CDYL: variants seen among roughly 807,000 people sequenced by gnomAD.
CDYL encodes the protein chromodomain Y-like protein.
In CDYL, 8 loss-of-function variants were observed where a neutral mutation model predicts 47.3. That is an observed-to-expected ratio of 0.17 (90% CI 0.10 to 0.31). The LOEUF is 0.31. Ranked by LOEUF, CDYL falls within the 10% of genes least tolerant of loss-of-function variation. The probability of loss-of-function intolerance (pLI) is 1.00; values close to 1 mark genes in which losing one functional copy is unlikely to be tolerated. For synonymous variants in CDYL, 266 were observed against 265.0 expected (o/e 1.00, Z -0.04); for missense variants, 471 against 701.4 (o/e 0.67, Z 3.71).
chr6:4,784,981 C>CCCCCCAG (rs1279526793), intron 1 of CDYL, among the ~76,000 whole-genome samples: 1 of 152,110 alleles, frequency 6.6e-6, no homozygotes, highest in Non-Finnish European at 1.5e-5. Flanking sequence ...ATTGTGAGGC[C>CCCCCCAG]CCCCCAGCCA....
At chr6:4,953,516 A>G (rs1050223893) in intron 6 of CDYL, among the ~76,000 whole-genome samples, 2 of 152,222 alleles carry the variant, frequency 1.3e-5, no homozygotes, top group Admixed American at 1.3e-4. Flanking sequence ...AACCCTCATT[A>G]TGAAAATTAC....
At chr6:4,730,801 G>A (rs1199905860) in intron 2 of CDYL, among the ~76,000 whole-genome samples, 3 of 150,490 alleles carry the variant, frequency 2.0e-5, no homozygotes, top group Non-Finnish European at 3.0e-5. Flanking sequence ...TCCCTCCCTC[G>A]CCTGACATAG....
At chr6:4,801,973 T>A (rs1759239103) in intron 1 of CDYL, among the ~76,000 whole-genome samples, 1 of 152,184 alleles carries the variant, frequency 6.6e-6, no homozygotes, top group Admixed American at 6.5e-5. Context: ...ATGCTCTGAA[T>A]TTGAGTGTCA....
At chr6:4,713,260 T>C (rs879906710) in intron 1 of CDYL, among the ~76,000 whole-genome samples, 6 of 152,162 alleles carry the variant, frequency 3.9e-5, no homozygotes, top group Admixed American at 3.9e-4. Context: ...GCTTCTCTGC[T>C]CTACCCGGCA....
At position 4,824,597 on chromosome 6, in the gene CDYL, C is replaced by CT. The variant is rs1581191652; in HGVS notation, c.24+47793dup. Among the ~76,000 whole-genome samples the CT allele has an allele frequency of 2.0e-5, 3 of 152,010 alleles. No homozygotes were observed. In the East Asian group the frequency reaches 5.8e-4, roughly 29 times the overall value. ...CATTGTTGTTGAGTTTTGTTGAGTT[C>CT]TTTATATATTCTGGTTATTAAGCCC... is the stretch of plus-strand genomic sequence containing the variant. On this transcript the variant is annotated intron_variant, in intron 1 of 6. Coordinates refer to ENST00000397588, the MANE Select transcript of CDYL (RefSeq NM_004824.4).
intron 1 of CDYL, among the ~76,000 whole-genome samples, chr6:4,849,606 A>G (rs1409107127): frequency 3.9e-5 from 6 of 151,956 alleles, no homozygotes; most frequent in Non-Finnish European, 8.8e-5. Context: ...CAAAAACTTT[A>G]CTGTTCAAAG....
At chr6:4,837,107 C>T (rs1048814276) in intron 1 of CDYL, among the ~76,000 whole-genome samples, 1 of 152,136 alleles carries the variant, frequency 6.6e-6, no homozygotes, top group African/African-American at 2.4e-5. Context: ...TAAGATAGGT[C>T]AATCATTGTT....
At chr6:4,871,683 TTG>T (rs1761478830) in intron 1 of CDYL, among the ~76,000 whole-genome samples, 1 of 152,116 alleles carries the variant, frequency 6.6e-6, no homozygotes, top group Non-Finnish European at 1.5e-5. Flanking sequence ...TTGGGATTTT[TTG>T]TAAAATTTAT....
At chr6:4,882,593 G>A (rs571021576) in intron 1 of CDYL, among the ~76,000 whole-genome samples, 17 of 152,244 alleles carry the variant, frequency 1.1e-4, no homozygotes, top group Non-Finnish European at 1.6e-4. Context: ...GAGAAGAAGG[G>A]GTGGGACTTG....
intron 3 of CDYL, among the ~76,000 whole-genome samples, chr6:4,746,318 T>C (rs188819061): frequency 9.4e-5 from 14 of 148,796 alleles, no homozygotes; most frequent in African/African-American, 3.5e-4. Context: ...GAACCAAGAT[T>C]GCCCCATTGC....
chr6:4,733,656 T>C (rs952910909), intron 2 of CDYL, among the ~76,000 whole-genome samples: 1 of 152,084 alleles, frequency 6.6e-6, no homozygotes, highest in Non-Finnish European at 1.5e-5. Flanking sequence ...TCATTAAGAC[T>C]CCATCTCAGG....
intron 1 of CDYL, among the ~76,000 whole-genome samples, chr6:4,878,122 T>A (rs1761667176): frequency 6.6e-6 from 1 of 152,188 alleles, no homozygotes; most frequent in African/African-American, 2.4e-5. Context: ...GACATTTTAA[T>A]TGGTTATATC....
At chr6:4,734,662 A>C in intron 2 of CDYL, 1 of 1,509,118 alleles carries the variant, frequency 6.6e-7, no homozygotes, top group Non-Finnish European at 9.0e-7. Context: ...AGGGGAGGGC[A>C]CAGGGATGGG....
intron 3 of CDYL, among the ~76,000 whole-genome samples, chr6:4,738,089 T>TA: frequency 6.6e-6 from 1 of 152,084 alleles, no homozygotes. Flanking sequence ...AAGAAACTGC[T>TA]ATAGTCAAAA....
At chr6:4,908,556 C>T (rs747956450) in intron 2 of CDYL, among the ~76,000 whole-genome samples, 1 of 152,228 alleles carries the variant, frequency 6.6e-6, no homozygotes, top group Non-Finnish European at 1.5e-5. Flanking sequence ...CTGCCCCCCA[C>T]AGGCAACCTA....
chr6:4,904,621 G>A (rs1279977525), intron 2 of CDYL, among the ~76,000 whole-genome samples: 1 of 152,146 alleles, frequency 6.6e-6, no homozygotes, highest in Non-Finnish European at 1.5e-5. Flanking sequence ...AGACTTGTTT[G>A]TGCTTAAAAA....
chr6:4,828,944 T>C (rs1316593088), intron 1 of CDYL, among the ~76,000 whole-genome samples: 1 of 152,210 alleles, frequency 6.6e-6, no homozygotes, highest in Non-Finnish European at 1.5e-5. Flanking sequence ...AGCTCCAGAA[T>C]GTTTGCTTGG....
intron 3 of CDYL, among the ~76,000 whole-genome samples, chr6:4,759,231 AG>A (rs1758131751): frequency 6.6e-6 from 1 of 152,106 alleles, no homozygotes; most frequent in Admixed American, 6.6e-5. Flanking sequence ...AGCCTCCCAA[AG>A]TGCTAGGATT....
chr6:4,942,026 T>C (rs900240077), intron 4 of CDYL, among the ~76,000 whole-genome samples: 1 of 152,204 alleles, frequency 6.6e-6, no homozygotes, highest in Non-Finnish European at 1.5e-5. Context: ...CTTCAAAAGA[T>C]GACACAACTG....
Sources: gnomAD v4.1 joint callset for allele counts (sites outside exome capture counted in the v4.1 genomes callset) on GRCh38, gnomAD v4.1.1 for gene constraint, MANE v1.5 for transcripts, NCBI Gene and HGNC (gene_info 2026-07-23, HGNC 2026-07-21) for gene names.